The following PPP1R12B variants were observed in gnomAD, a reference collection of about 807,000 sequenced individuals.
PPP1R12B encodes protein phosphatase 1 regulatory subunit 12B.
Under a neutral mutation model 126.1 loss-of-function variants are expected in PPP1R12B, and 76 were observed. The ratio of observed to expected loss-of-function variants is 0.60; its 90% CI spans 0.50 to 0.73. The LOEUF (loss-of-function observed/expected upper bound fraction) is 0.73, where lower values mean the gene tolerates loss of function less well. PPP1R12B is among the 30% of genes least tolerant of loss of function. The pLI is 0.00. For missense variants in PPP1R12B, 1,052 were observed against 1,205.1 expected (o/e 0.87, Z 1.88); for synonymous variants, 356 against 434.7 (o/e 0.82, Z 2.25).
At chr1:202,355,524 T>A (rs760271292) in intron 1 of PPP1R12B, among the ~76,000 whole-genome samples, 11 of 152,174 alleles carry the variant, frequency 7.2e-5, no homozygotes, top group Non-Finnish European at 1.6e-4. Flanking sequence ...TAGGAAATCC[T>A]AATGGATGTG....
intron 18 of PPP1R12B, among the ~76,000 whole-genome samples, chr1:202,556,978 G>T (rs965327729): frequency 2.0e-5 from 3 of 152,098 alleles, no homozygotes; most frequent in Admixed American, 1.3e-4. Flanking sequence ...GCTTCACTTG[G>T]ATACTTTTTG....
At chr1:202,541,754 T>C (rs916626166) in intron 18 of PPP1R12B, among the ~76,000 whole-genome samples, 5 of 152,210 alleles carry the variant, frequency 3.3e-5, no homozygotes, top group African/African-American at 1.2e-4. Flanking sequence ...GTTTTTCCTC[T>C]GCTTTCTTAG....
intron 13 of PPP1R12B, among the ~76,000 whole-genome samples, chr1:202,486,066 G>A (rs1191806345): frequency 1.3e-5 from 2 of 152,130 alleles, no homozygotes; most frequent in Non-Finnish European, 2.9e-5. Context: ...ATTTTTTGAA[G>A]AGACGAGGTT....
chr1:202,409,326 C>CT (rs34793175), intron 1 of PPP1R12B, among the ~76,000 whole-genome samples: 6,649 of 144,948 alleles, frequency 0.046, 284 homozygotes, highest in African/African-American at 0.11. Context: ...CTTGCCAACA[C>CT]TTTTTTTTTT....
chr1:202,439,612 C>T lies in PPP1R12B; in HGVS notation c.1459-1094C>T. On this transcript the variant is annotated intron_variant, in intron 10 of 23. Coordinates refer to ENST00000608999, the MANE Select transcript of PPP1R12B (RefSeq NM_002481.4). ...CCCCCTCTGTACACCATGGACCCTG[C>T]CCTGTGCTCCATAACTCCCCCAGGC... 3 of 983,776 alleles carry T rather than the reference C, an allele frequency of 3.0e-6. No homozygotes were observed. In the East Asian group the frequency reaches 7.9e-5, roughly 26 times the overall value. 60.9% of individuals were successfully genotyped at this position (983,776 alleles called of 1,614,324 possible). A position where few individuals can be genotyped will look rare whatever the true frequency, so the allele number is the denominator to read the frequency against.
intron 4 of PPP1R12B, among the ~76,000 whole-genome samples, chr1:202,426,040 G>C (rs1669456220): frequency 1.3e-5 from 2 of 152,142 alleles, no homozygotes; most frequent in Non-Finnish European, 2.9e-5. Context: ...CTTGTGACCT[G>C]TAATACTTGT....
At chr1:202,420,620 T>C (rs1309710111) in intron 2 of PPP1R12B, among the ~76,000 whole-genome samples, 2 of 152,230 alleles carry the variant, frequency 1.3e-5, no homozygotes, top group Non-Finnish European at 2.9e-5. Flanking sequence ...GAGGTGTAGC[T>C]GAATATTCCT....
chr1:202,420,967 C>T (rs1371065190), intron 2 of PPP1R12B, among the ~76,000 whole-genome samples: 11 of 118,566 alleles, frequency 9.3e-5, no homozygotes, highest in Admixed American at 3.0e-4. Context: ...CCTCTGCCAA[C>T]TTTTTTTTTT....
intron 2 of PPP1R12B, among the ~76,000 whole-genome samples, chr1:202,421,013 C>A (rs1316434521): frequency 7.6e-6 from 1 of 131,328 alleles, no homozygotes; most frequent in African/African-American, 2.9e-5. Flanking sequence ...CTCTGTCACC[C>A]AGGCTGATGT....
chr1:202,438,605 C>A, intron 10 of PPP1R12B: 3 of 489,586 alleles, frequency 6.1e-6, no homozygotes. Context: ...TTCCTCGCTG[C>A]CATGGAGCCT....
intron 18 of PPP1R12B, among the ~76,000 whole-genome samples, chr1:202,519,087 G>A (rs1682476470): frequency 6.6e-6 from 1 of 152,068 alleles, no homozygotes. Flanking sequence ...GGCTAGCTGT[G>A]TGCCAACTTT....
intron 18 of PPP1R12B, among the ~76,000 whole-genome samples, chr1:202,541,106 C>T (rs1685080165): frequency 1.3e-5 from 2 of 152,152 alleles, no homozygotes; most frequent in African/African-American, 4.8e-5. Flanking sequence ...ATAACAGTTA[C>T]TTTTTCAGGA....
At chr1:202,361,140 G>T (rs559820470) in intron 1 of PPP1R12B, among the ~76,000 whole-genome samples, 1 of 152,078 alleles carries the variant, frequency 6.6e-6, no homozygotes, top group Non-Finnish European at 1.5e-5. Flanking sequence ...TGATCCGCCC[G>T]CCTCGGCCTC....
At chr1:202,495,822 A>C (rs1679484038) in intron 17 of PPP1R12B, 140 bp downstream of exon 17, 1 of 727,160 alleles carries the variant, frequency 1.4e-6, no homozygotes, top group African/African-American at 1.8e-5. Flanking sequence ...AAAGAGAAGA[A>C]AGACCTAACT....
intron 1 of PPP1R12B, among the ~76,000 whole-genome samples, chr1:202,354,862 G>A (rs555716390): frequency 1.3e-4 from 18 of 136,400 alleles, no homozygotes; most frequent in African/African-American, 4.8e-4. Context: ...GTCTTGCTCC[G>A]TCGCCCAGGC....
intron 7 of PPP1R12B, 39 bp from the exon 8 acceptor site, chr1:202,431,441 C>G: frequency 6.5e-7 from 1 of 1,529,236 alleles, no homozygotes; most frequent in Non-Finnish European, 8.8e-7. Flanking sequence ...ACCTGATTAT[C>G]ATTTCTGAAT....
At position 202,492,025 on chromosome 1, in the gene PPP1R12B, A is replaced by G. The variant is rs183188987; in HGVS notation, c.1942-1089A>G. Among the ~76,000 whole-genome samples, 29 of 152,220 alleles carry G rather than the reference A, an allele frequency of 1.9e-4. No homozygotes were observed. In the East Asian group the frequency reaches 4.2e-3, roughly 22 times the overall value. ...TTTGCTAAGTTACCTACAGATTCCT[A>G]AATCATCCGTGGCCTCTCTTGTTTC... is the stretch of plus-strand genomic sequence containing the variant. On this transcript the variant is annotated intron_variant, in intron 14 of 23. Coordinates refer to ENST00000608999, the MANE Select transcript of PPP1R12B (RefSeq NM_002481.4).
intron 13 of PPP1R12B, among the ~76,000 whole-genome samples, chr1:202,465,230 A>G (rs1395409284): frequency 1.3e-5 from 2 of 152,216 alleles, no homozygotes; most frequent in Non-Finnish European, 2.9e-5. Flanking sequence ...AAAACGAGGT[A>G]TTTTGGACTT....
chr1:202,482,738 T>A (rs1198189539), intron 13 of PPP1R12B, among the ~76,000 whole-genome samples: 1 of 152,236 alleles, frequency 6.6e-6, no homozygotes, highest in Non-Finnish European at 1.5e-5. Flanking sequence ...CAAAAGCTTT[T>A]TAGTTTGTTG....
Sources: allele counts gnomAD v4.1 joint callset (sites outside exome capture counted in the v4.1 genomes callset), GRCh38; gene constraint gnomAD v4.1.1; transcripts MANE v1.5; gene names NCBI Gene and HGNC (gene_info 2026-07-23, HGNC 2026-07-21).